Variants in PTPRD observed in about 807,000 individuals in gnomAD.
The protein encoded by PTPRD is protein tyrosine phosphatase receptor type D.
Under a neutral mutation model 214.5 loss-of-function variants are expected in PTPRD, and 34 were observed. The ratio of observed to expected loss-of-function variants is 0.16; its 90% CI spans 0.12 to 0.21. PTPRD has a LOEUF of 0.21. Ranked by LOEUF, PTPRD falls within the 10% of genes least tolerant of loss-of-function variation. The pLI is 1.00. For synonymous variants in PTPRD, 1,128 were observed against 845.7 expected, an observed-to-expected ratio of 1.33 and a Z score of -5.79; for missense variants, 2,545 against 2,398.7, an observed-to-expected ratio of 1.06 and a Z score of -1.27.
intron 3 of PTPRD, among the ~76,000 whole-genome samples, chr9:10,140,994 A>C (rs576026763): frequency 1.3e-5 from 2 of 152,080 alleles, no homozygotes; most frequent in South Asian, 4.2e-4. Context: ...ACCAAAGACA[A>C]AAACCACATG....
chr9:10,215,890 A>G (rs1053504460), intron 3 of PTPRD, among the ~76,000 whole-genome samples: 3 of 152,008 alleles, frequency 2.0e-5, no homozygotes, highest in Admixed American at 1.3e-4. Context: ...ATAAGATTCA[A>G]AAACAAAATA....
chr9:10,103,646 G>T (rs2098593793), intron 3 of PTPRD, among the ~76,000 whole-genome samples: 2 of 151,148 alleles, frequency 1.3e-5, no homozygotes, highest in South Asian at 4.2e-4. Context: ...AGGGTTCATT[G>T]TCTCTCCTTG....
intron 7 of PTPRD, among the ~76,000 whole-genome samples, chr9:9,618,236 T>C (rs991021845): frequency 2.0e-5 from 3 of 151,914 alleles, no homozygotes; most frequent in Admixed American, 6.6e-5. Context: ...GATTTTAATA[T>C]GTATTCTCAC....
chr9:8,370,020 C>T (rs1223881938), intron 39 of PTPRD, among the ~76,000 whole-genome samples: 1 of 151,874 alleles, frequency 6.6e-6, no homozygotes, highest in Non-Finnish European at 1.5e-5. Flanking sequence ...AGGAACAAGG[C>T]TCAAAAGTGG....
chr9:9,807,423 A>T (rs181458971), intron 5 of PTPRD, among the ~76,000 whole-genome samples: 1 of 152,156 alleles, frequency 6.6e-6, no homozygotes, highest in South Asian at 2.1e-4. Context: ...ATGGTTATCA[A>T]ACAAGATGCG....
intron 9 of PTPRD, among the ~76,000 whole-genome samples, chr9:9,395,297 G>C (rs1233771396): frequency 1.3e-5 from 2 of 151,956 alleles, no homozygotes. Flanking sequence ...TAAAATTTCA[G>C]GCCCTAATGT....
chr9:9,166,406 C>G (rs2099904060), intron 10 of PTPRD, among the ~76,000 whole-genome samples: 1 of 152,108 alleles, frequency 6.6e-6, no homozygotes, highest in Non-Finnish European at 1.5e-5. Flanking sequence ...CCTCTAGGCT[C>G]CTAGCATTTG....
intron 9 of PTPRD, among the ~76,000 whole-genome samples, chr9:9,253,919 T>C (rs1221544659): frequency 1.3e-5 from 2 of 152,100 alleles, no homozygotes; most frequent in African/African-American, 2.4e-5. Context: ...GTTTGCTCTG[T>C]GCCTAGTTCA....
At chr9:9,374,013 TATCA>T (rs1174072185) in intron 9 of PTPRD, among the ~76,000 whole-genome samples, 1 of 152,084 alleles carries the variant, frequency 6.6e-6, no homozygotes, top group African/African-American at 2.4e-5. Context: ...TTAATGAGCT[TATCA>T]TTTATTACAA....
chr9:10,401,638 C>A (rs1045467474), intron 2 of PTPRD, among the ~76,000 whole-genome samples: 3 of 146,424 alleles, frequency 2.0e-5, no homozygotes, highest in South Asian at 2.2e-4. Flanking sequence ...ATTAAATTAT[C>A]ATCTAATACT....
chr9:10,300,366 T>C (rs2095823777), intron 3 of PTPRD, among the ~76,000 whole-genome samples: 1 of 151,448 alleles, frequency 6.6e-6, no homozygotes, highest in Non-Finnish European at 1.5e-5. Context: ...GCTGCAGGAG[T>C]TTAGTTTTCA....
chr9:10,051,261 A>G (rs989161448), intron 3 of PTPRD, among the ~76,000 whole-genome samples: 8 of 152,124 alleles, frequency 5.3e-5, no homozygotes, highest in Non-Finnish European at 8.8e-5. Flanking sequence ...TGACTTAGCT[A>G]TCATTTGGTA....
At chr9:10,512,613 G>C (rs1367312437) in intron 2 of PTPRD, among the ~76,000 whole-genome samples, 1 of 152,116 alleles carries the variant, frequency 6.6e-6, no homozygotes, top group Non-Finnish European at 1.5e-5. Flanking sequence ...CTCATGGTGA[G>C]TCAGGTTTCT....
At chr9:8,620,504 G>T (rs1489813130) in intron 14 of PTPRD, among the ~76,000 whole-genome samples, 1 of 151,978 alleles carries the variant, frequency 6.6e-6, no homozygotes, top group African/African-American at 2.4e-5. Context: ...AGGTTATTTT[G>T]CATCAGTGAT....
chr9:10,502,031 A>G (rs1209749745), intron 2 of PTPRD, among the ~76,000 whole-genome samples: 1 of 151,908 alleles, frequency 6.6e-6, no homozygotes, highest in African/African-American at 2.4e-5. Flanking sequence ...ATAGAAACCA[A>G]TAAGAAGAAA....
intron 9 of PTPRD, among the ~76,000 whole-genome samples, chr9:9,282,189 T>C (rs1297859238): frequency 6.6e-6 from 1 of 151,322 alleles, no homozygotes; most frequent in Non-Finnish European, 1.5e-5. Flanking sequence ...CATGCCATTA[T>C]ACATTTTTTC....
At chr9:8,532,700 G>C (rs146973818) in intron 14 of PTPRD, among the ~76,000 whole-genome samples, 22 of 152,032 alleles carry the variant, frequency 1.4e-4, no homozygotes, top group African/African-American at 4.1e-4. Flanking sequence ...AATCAGACTT[G>C]ACCTTCACAA....
chr9:9,077,473 A>T (rs903110602), intron 10 of PTPRD, among the ~76,000 whole-genome samples: 3 of 152,066 alleles, frequency 2.0e-5, no homozygotes, highest in African/African-American at 4.8e-5. Context: ...TATTAAACAA[A>T]GTCAATATAA....
chr9:10,581,719 C>G (rs893290168), intron 2 of PTPRD, among the ~76,000 whole-genome samples: 3 of 152,108 alleles, frequency 2.0e-5, no homozygotes, highest in African/African-American at 7.2e-5. Context: ...TTTTATTTCA[C>G]TATCCCTCAG....
Sources: gnomAD v4.1 joint callset for allele counts (sites outside exome capture counted in the v4.1 genomes callset) on GRCh38, gnomAD v4.1.1 for gene constraint, MANE v1.5 for transcripts, NCBI Gene and HGNC (gene_info 2026-07-23, HGNC 2026-07-21) for gene names.